Variants in RALYL observed in about 807,000 individuals in gnomAD.
RALYL encodes RNA-binding Raly-like protein.
In RALYL, 29 loss-of-function variants were observed where a neutral mutation model predicts 35.1. The observed-to-expected ratio is 0.83, with a 90% CI of 0.61 to 1.13. The LOEUF is 1.13. Among genes scored for constraint, RALYL ranks in the 50% most tolerant of loss-of-function variants. The pLI, the probability that RALYL is intolerant of heterozygous loss-of-function variation, is 0.00. For missense variants in RALYL, 359 were observed against 360.4 expected (o/e 1.00, Z 0.03); for synonymous variants, 120 against 127.6 (o/e 0.94, Z 0.40).
chr8:84,521,646 TGTCA>T (rs1279910784), intron 1 of RALYL, among the ~76,000 whole-genome samples: 1 of 152,214 alleles, frequency 6.6e-6, no homozygotes, highest in Non-Finnish European at 1.5e-5. Context: ...GTTTACAAAA[TGTCA>T]GTCATTTAAT....
At chr8:84,477,439 T>C (rs951574401) in intron 1 of RALYL, among the ~76,000 whole-genome samples, 1 of 149,358 alleles carries the variant, frequency 6.7e-6, no homozygotes, top group Non-Finnish European at 1.5e-5. Flanking sequence ...ATTTCTGCCA[T>C]TGCAGAAAGT....
At chr8:84,642,363 T>G (rs1261988393) in intron 2 of RALYL, among the ~76,000 whole-genome samples, 1 of 149,614 alleles carries the variant, frequency 6.7e-6, no homozygotes, top group Non-Finnish European at 1.5e-5. Context: ...TGGGGTTTTT[T>G]TAAACTTGAG....
At chr8:84,810,352 T>C (rs891859442) in intron 4 of RALYL, among the ~76,000 whole-genome samples, 4 of 152,142 alleles carry the variant, frequency 2.6e-5, no homozygotes, top group African/African-American at 7.2e-5. Context: ...GAGAGGTGCT[T>C]GATATAATTT....
intron 1 of RALYL, among the ~76,000 whole-genome samples, chr8:84,481,568 T>A (rs989301173): frequency 1.3e-5 from 2 of 152,124 alleles, no homozygotes; most frequent in African/African-American, 4.8e-5. Context: ...CAACTTAGAA[T>A]CTGAATATCT....
intron 1 of RALYL, among the ~76,000 whole-genome samples, chr8:84,300,960 G>A (rs1039653613): frequency 5.3e-5 from 8 of 152,076 alleles, no homozygotes; most frequent in African/African-American, 1.9e-4. Flanking sequence ...AGACTTGATT[G>A]TGTAATTACT....
At chr8:84,738,109 G>A (rs1413521343) in intron 2 of RALYL, among the ~76,000 whole-genome samples, 2 of 152,010 alleles carry the variant, frequency 1.3e-5, no homozygotes, top group African/African-American at 4.8e-5. Flanking sequence ...GATTGTCTAA[G>A]TTCTGTGATT....
intron 2 of RALYL, among the ~76,000 whole-genome samples, chr8:84,711,688 CA>C (rs1382907902): frequency 1.3e-5 from 2 of 152,072 alleles, no homozygotes; most frequent in African/African-American, 2.4e-5. Context: ...TCTCAGTGAT[CA>C]ACAGTGATAA....
At chr8:84,698,072 T>A (rs1014898234) in intron 2 of RALYL, among the ~76,000 whole-genome samples, 1 of 152,108 alleles carries the variant, frequency 6.6e-6, no homozygotes, top group Non-Finnish European at 1.5e-5. Flanking sequence ...CATGAGATAG[T>A]GGTATCATGA....
intron 8 of RALYL, among the ~76,000 whole-genome samples, chr8:84,894,049 A>C (rs1844322192): frequency 1.3e-5 from 2 of 152,262 alleles, no homozygotes; most frequent in African/African-American, 4.8e-5. Context: ...GAAGGTCTGG[A>C]CCTCAAATCC....
chr8:84,294,543 G>A (rs1410858407), intron 1 of RALYL, among the ~76,000 whole-genome samples: 1 of 151,984 alleles, frequency 6.6e-6, no homozygotes, highest in Non-Finnish European at 1.5e-5. Flanking sequence ...TGAAAAACAT[G>A]CTATCAATTC....
intron 3 of RALYL, among the ~76,000 whole-genome samples, chr8:84,787,099 TG>T (rs1297997213): frequency 3.3e-5 from 5 of 152,148 alleles, no homozygotes; most frequent in Non-Finnish European, 7.3e-5. Flanking sequence ...TATGGTGGTT[TG>T]CTGCACCCAT....
At chr8:84,360,101 G>A (rs1219206428) in intron 1 of RALYL, among the ~76,000 whole-genome samples, 2 of 152,066 alleles carry the variant, frequency 1.3e-5, no homozygotes, top group Non-Finnish European at 2.9e-5. Flanking sequence ...TTGAATTCAT[G>A]GCCTTAAGTC....
chr8:84,728,972 G>T (rs1181074484), intron 2 of RALYL, among the ~76,000 whole-genome samples: 1 of 151,930 alleles, frequency 6.6e-6, no homozygotes, highest in Admixed American at 6.6e-5. Flanking sequence ...TTTTTTGGTT[G>T]CATATGAACT....
At chr8:84,294,718 T>C (rs952370723) in intron 1 of RALYL, among the ~76,000 whole-genome samples, 2 of 151,972 alleles carry the variant, frequency 1.3e-5, no homozygotes, top group African/African-American at 4.8e-5. Context: ...GAAGTCACAC[T>C]TGTGGCAGAG....
At chr8:84,588,920 T>C (rs966919250) in intron 2 of RALYL, among the ~76,000 whole-genome samples, 2 of 151,966 alleles carry the variant, frequency 1.3e-5, no homozygotes, top group Non-Finnish European at 2.9e-5. Flanking sequence ...TTTTTTGACA[T>C]GGAGTTTCGC....
At chr8:84,582,713 T>C (rs1811106924) in intron 2 of RALYL, among the ~76,000 whole-genome samples, 1 of 152,072 alleles carries the variant, frequency 6.6e-6, no homozygotes, top group South Asian at 2.1e-4. Context: ...AGCTGGGATC[T>C]AGTATCTCTC....
Position 84,292,899 on chromosome 8 carries a change from G to A in RALYL, c.-24+108475G>A, listed in dbSNP as rs1020424383. Among the ~76,000 whole-genome samples, 7 of 152,072 alleles carry A rather than the reference G, an allele frequency of 4.6e-5. No individual in the cohort carries two copies. The South Asian group carries it at 1.0e-3, about 23-fold the overall frequency. On this transcript the variant is annotated intron_variant, in intron 1 of 8. Transcript: ENST00000521268. ...TAAACTTGCTTTCACTTTGCACTGCGTACTTGCCCTGAATTCTTTCTCACA... is the reference window on the plus strand; with the variant it reads ...TAAACTTGCTTTCACTTTGCACTGCATACTTGCCCTGAATTCTTTCTCACA...
intron 1 of RALYL, among the ~76,000 whole-genome samples, chr8:84,438,037 G>C (rs917214966): frequency 6.6e-6 from 1 of 152,138 alleles, no homozygotes; most frequent in Non-Finnish European, 1.5e-5. Flanking sequence ...TCCTGTATTT[G>C]TTGGCCATTG....
intron 2 of RALYL, among the ~76,000 whole-genome samples, chr8:84,606,988 G>T (rs1351724): frequency 0.19 from 29,373 of 151,940 alleles, 3,089 homozygotes; most frequent in Non-Finnish European, 0.23. Flanking sequence ...TGTCCTTCTA[G>T]AAGTGGGGTG....
Sources: allele counts gnomAD v4.1 joint callset (sites outside exome capture counted in the v4.1 genomes callset), GRCh38; gene constraint gnomAD v4.1.1; transcripts MANE v1.5; gene names NCBI Gene and HGNC (gene_info 2026-07-23, HGNC 2026-07-21).